The following RBFOX3 variants were observed in gnomAD, a reference collection of about 807,000 sequenced individuals.
The protein encoded by RBFOX3 is RNA binding protein fox-1 homolog 3.
Under a neutral mutation model 48.7 loss-of-function variants are expected in RBFOX3, and 17 were observed. The ratio of observed to expected loss-of-function variants is 0.35; its 90% CI spans 0.24 to 0.52. RBFOX3 has a LOEUF of 0.52. Ranked by LOEUF, RBFOX3 falls within the 20% of genes least tolerant of loss-of-function variation. The pLI, the probability that RBFOX3 is intolerant of heterozygous loss-of-function variation, is 0.94. For synonymous variants in RBFOX3, 212 were observed against 209.5 expected, an observed-to-expected ratio of 1.01 and a Z score of -0.10; for missense variants, 382 against 497.5, an observed-to-expected ratio of 0.77 and a Z score of 2.21.
In RBFOX3 at chr17:79,106,807, G is replaced by A. The variant is rs1404597699; in HGVS notation, c.223-19C>T. The A allele has an allele frequency of 4.7e-6, 7 of 1,494,930 alleles. No homozygotes were observed. Among genetic ancestry groups the A allele is most frequent in the Non-Finnish European group, 6.2e-6 (7 of 1,128,054 alleles). 92.6% of individuals were successfully genotyped at this position (1,494,930 alleles called of 1,614,324 possible). A position where few individuals can be genotyped will look rare whatever the true frequency, so the allele number is the denominator to read the frequency against. On this transcript the variant is annotated intron_variant, in intron 5 of 14. Transcript: ENST00000693108. ...CTGTCTGCTGCAGGGAGAGGACTGG[G>A]CTGTGGAGGCTGCCTCTGTGTGCGG...
At chr17:79,342,535 A>C (rs7220493) in intron 2 of RBFOX3, among the ~76,000 whole-genome samples, 126,378 of 152,150 alleles carry the variant, frequency 0.83, 52,844 homozygotes, top group Non-Finnish European at 0.89. Context: ...TGGGATCCCA[A>C]AGCCTGCAAT....
chr17:79,438,500 G>A (rs1568250526), intron 2 of RBFOX3, among the ~76,000 whole-genome samples: 1 of 152,196 alleles, frequency 6.6e-6, no homozygotes, highest in Non-Finnish European at 1.5e-5. Context: ...ATCTCTAAAC[G>A]CTGATCTGGC....
rs114107771 is a variant in RBFOX3 at position 79,326,998 on chromosome 17, G to A, written c.-174-19174C>T. ...GAAGCTGCACAGCACACCAGGAGCC[G>A]ATCTGGAACCAAGCCCATGCCTCCT... On this transcript the variant is annotated intron_variant, in intron 2 of 14. Coordinates refer to ENST00000693108, the MANE Select transcript of RBFOX3 (RefSeq NM_001350451.2). Among the ~76,000 whole-genome samples, 909 of 152,306 alleles carry A rather than the reference G, an allele frequency of 6.0e-3. 5 individuals are homozygous for A. Among genetic ancestry groups the A allele is most frequent in the African/African-American group, 0.02 (832 of 41,572 alleles).
At chr17:79,422,221 T>C (rs186227889) in intron 2 of RBFOX3, among the ~76,000 whole-genome samples, 8 of 152,108 alleles carry the variant, frequency 5.3e-5, no homozygotes, top group Admixed American at 5.2e-4. Context: ...CAGACAGCAG[T>C]TGGGACGGGC....
chr17:79,347,832 G>A (rs141822602), intron 2 of RBFOX3, among the ~76,000 whole-genome samples: 1 of 152,252 alleles, frequency 6.6e-6, no homozygotes, highest in African/African-American at 2.4e-5. Flanking sequence ...GAATCTGGAA[G>A]CTGTAACTCA....
intron 1 of RBFOX3, among the ~76,000 whole-genome samples, chr17:79,518,512 G>A (rs1307783190): frequency 6.6e-6 from 1 of 152,256 alleles, no homozygotes; most frequent in Non-Finnish European, 1.5e-5. Flanking sequence ...TGTCTCCAAA[G>A]CCTGGCTCAT....
chr17:79,224,821 A>G (rs2060128005), intron 4 of RBFOX3, among the ~76,000 whole-genome samples: 2 of 152,130 alleles, frequency 1.3e-5, no homozygotes, highest in Admixed American at 1.3e-4. Context: ...TACTCATCCA[A>G]CTGGTGTTTT....
At position 79,360,403 on chromosome 17, in the gene RBFOX3, A is replaced by C. The variant is rs978417; in HGVS notation, c.-174-52579T>G. The stretch of plus-strand genomic sequence containing the variant: ...GACTGCAATCCCGCCAACAGGTGCC[A>C]CTGGAAGCTGCTCACCAGCCCCGCC... On this transcript the variant is annotated intron_variant, in intron 2 of 14. Transcript: ENST00000693108. Among the ~76,000 whole-genome samples, 4 of 152,202 alleles carry C rather than the reference A, an allele frequency of 2.6e-5. No individual in the cohort carries two copies. In the East Asian group the frequency reaches 7.7e-4, roughly 29 times the overall value.
At chr17:79,312,780 G>T (rs8066755) in intron 2 of RBFOX3, among the ~76,000 whole-genome samples, 1 of 152,274 alleles carries the variant, frequency 6.6e-6, no homozygotes, top group Non-Finnish European at 1.5e-5. Context: ...GCTGCTGCCC[G>T]CAGGTCTTCC....
At chr17:79,092,708 G>GA (rs11286198) in intron 14 of RBFOX3, 14,377 of 633,172 alleles carry the variant, frequency 0.023, 4 homozygotes, top group Non-Finnish European at 0.025. Flanking sequence ...AAAGCAAAAA[G>GA]AAAAAAAAAA....
At chr17:79,117,422 G>A (rs371067135) in intron 4 of RBFOX3, among the ~76,000 whole-genome samples, 1 of 152,180 alleles carries the variant, frequency 6.6e-6, no homozygotes, top group Non-Finnish European at 1.5e-5. Context: ...CCCATCACCC[G>A]GGGCCACGCA....
chr17:79,469,666 A>G (rs1435167960), intron 2 of RBFOX3, among the ~76,000 whole-genome samples: 5 of 152,026 alleles, frequency 3.3e-5, no homozygotes, highest in Non-Finnish European at 7.4e-5. Context: ...TGGATGTGGG[A>G]CCCCAAAAAA....
chr17:79,601,116 G>C (rs1328761356), intron 1 of RBFOX3: 2 of 152,268 alleles, frequency 1.3e-5, no homozygotes, highest in Non-Finnish European at 2.9e-5. Context: ...AGGGGCCCCG[G>C]CTGGGGCGTC....
intron 3 of RBFOX3, among the ~76,000 whole-genome samples, chr17:79,246,696 T>G (rs1284989968): frequency 6.6e-6 from 1 of 152,102 alleles, no homozygotes; most frequent in African/African-American, 2.4e-5. Context: ...TCAAGACCCA[T>G]CCGACATCCC....
chr17:79,161,287 G>A (rs1202930263), intron 4 of RBFOX3, among the ~76,000 whole-genome samples: 1 of 152,148 alleles, frequency 6.6e-6, no homozygotes, highest in East Asian at 1.9e-4. Flanking sequence ...GAGCCCAGGG[G>A]ACAGGTCAGG....
At chr17:79,110,992 G>T (rs1208949575) in intron 5 of RBFOX3, among the ~76,000 whole-genome samples, 1 of 152,240 alleles carries the variant, frequency 6.6e-6, no homozygotes, top group Non-Finnish European at 1.5e-5. Context: ...AGAACACAGT[G>T]ACCAAGGGCT....
chr17:79,603,065 A>G (rs1228638813), intron 1 of RBFOX3, among the ~76,000 whole-genome samples: 1 of 141,778 alleles, frequency 7.1e-6, no homozygotes, highest in African/African-American at 2.7e-5. Flanking sequence ...ATCTTGGCTC[A>G]CTGCAACCTC....
chr17:79,231,090 AC>A (rs1211266112), intron 4 of RBFOX3, among the ~76,000 whole-genome samples: 1 of 152,118 alleles, frequency 6.6e-6, no homozygotes, highest in East Asian at 1.9e-4. Context: ...TGGTGCAGTG[AC>A]CCCAGGTCAA....
intron 4 of RBFOX3, among the ~76,000 whole-genome samples, chr17:79,221,278 G>A (rs959541840): frequency 6.6e-6 from 1 of 152,274 alleles, no homozygotes; most frequent in Admixed American, 6.5e-5. Flanking sequence ...AGCCCACCCG[G>A]GCGGTTGCCT....
Sources: allele counts gnomAD v4.1 joint callset (sites outside exome capture counted in the v4.1 genomes callset), GRCh38; gene constraint gnomAD v4.1.1; transcripts MANE v1.5; gene names NCBI Gene and HGNC (gene_info 2026-07-23, HGNC 2026-07-21).